Variants in GCNT2 observed in about 807,000 individuals in gnomAD.
GCNT2 encodes glucosaminyl (N-acetyl) transferase 2 (I blood group).
In GCNT2, 34 loss-of-function variants were observed where a neutral mutation model predicts 34.2. The ratio of observed to expected loss-of-function variants is 1.00; its 90% CI spans 0.76 to 1.32. The LOEUF is 1.32. Ranked by LOEUF, GCNT2 falls within the 40% of genes most tolerant of loss-of-function variation. GCNT2 has a pLI of 0.00. For missense variants in GCNT2, 584 were observed against 489.4 expected, an observed-to-expected ratio of 1.19 and a Z score of -1.82; for synonymous variants, 212 against 188.0, an observed-to-expected ratio of 1.13 and a Z score of -1.04.
intron 3 of GCNT2, among the ~76,000 whole-genome samples, chr6:10,578,822 T>G (rs1467486535): frequency 6.7e-6 from 1 of 150,368 alleles, no homozygotes; most frequent in African/African-American, 2.5e-5. Flanking sequence ...TAGATCCATT[T>G]TGTTGTTGTT....
At chr6:10,556,943 G>T (rs746019094) in intron 3 of GCNT2, 2 of 1,614,140 alleles carry the variant, frequency 1.2e-6, no homozygotes, top group South Asian at 2.2e-5. Context: ...CTGCATCAGA[G>T]ATCTTTCTGC....
intron 3 of GCNT2, among the ~76,000 whole-genome samples, chr6:10,606,407 A>G (rs570208672): frequency 6.6e-6 from 1 of 152,330 alleles, no homozygotes; most frequent in Admixed American, 6.5e-5. Context: ...CTCTTAATGG[A>G]AAAGCTGCAA....
chr6:10,544,246 G>A (rs1003936724), intron 3 of GCNT2, among the ~76,000 whole-genome samples: 9 of 151,708 alleles, frequency 5.9e-5, no homozygotes, highest in South Asian at 2.1e-4. Flanking sequence ...CCCAGGAGGC[G>A]GAGGTTGCAG....
chr6:10,563,674 G>A (rs924548038), intron 3 of GCNT2, among the ~76,000 whole-genome samples: 4 of 149,774 alleles, frequency 2.7e-5, no homozygotes, highest in South Asian at 4.2e-4. Flanking sequence ...CCCAGGAGGC[G>A]GAGCTTGCAG....
chr6:10,575,552 T>C (rs921824649), intron 3 of GCNT2, among the ~76,000 whole-genome samples: 1 of 152,036 alleles, frequency 6.6e-6, no homozygotes, highest in Non-Finnish European at 1.5e-5. Context: ...TTAGTGGAGA[T>C]GGGTGTCAGG....
intron 3 of GCNT2, among the ~76,000 whole-genome samples, chr6:10,612,437 C>T (rs1373842563): frequency 6.6e-6 from 1 of 152,122 alleles, no homozygotes; most frequent in Admixed American, 6.5e-5. Flanking sequence ...AGACTGGGAA[C>T]ACTGCTAAAC....
intron 3 of GCNT2, chr6:10,585,803 T>C: frequency 1.4e-6 from 2 of 1,443,918 alleles, no homozygotes; most frequent in Non-Finnish European, 1.8e-6. Context: ...TCCAGGCACA[T>C]CCAAAAAGGA....
chr6:10,569,196 A>G (rs1763415495), intron 3 of GCNT2, among the ~76,000 whole-genome samples: 1 of 118,128 alleles, frequency 8.5e-6, no homozygotes, highest in Non-Finnish European at 1.8e-5. Context: ...ACTTCAAATC[A>G]TTACCACTTG....
intron 3 of GCNT2, among the ~76,000 whole-genome samples, chr6:10,537,214 C>A (rs1264356870): frequency 6.6e-6 from 1 of 152,190 alleles, no homozygotes; most frequent in African/African-American, 2.4e-5. Flanking sequence ...TGCAAGTGAT[C>A]TTATCTTTGC....
chr6:10,536,446 C>G (rs1027230591), intron 3 of GCNT2, among the ~76,000 whole-genome samples: 1 of 151,856 alleles, frequency 6.6e-6, no homozygotes, highest in African/African-American at 2.4e-5. Flanking sequence ...AGTTCTCCTC[C>G]CGGGTTCACG....
At chr6:10,580,897 A>G (rs1164809588) in intron 3 of GCNT2, among the ~76,000 whole-genome samples, 1 of 152,224 alleles carries the variant, frequency 6.6e-6, no homozygotes, top group African/African-American at 2.4e-5. Context: ...GTTGTTAGCC[A>G]TAGTCCTTGT....
intron 3 of GCNT2, among the ~76,000 whole-genome samples, chr6:10,584,455 A>G (rs1013186817): frequency 6.6e-6 from 1 of 152,032 alleles, no homozygotes; most frequent in Non-Finnish European, 1.5e-5. Flanking sequence ...TCTTATCTCA[A>G]CCGCATTGAG....
intron 3 of GCNT2, among the ~76,000 whole-genome samples, chr6:10,592,021 C>T (rs1325748480): frequency 6.6e-6 from 1 of 152,212 alleles, no homozygotes; most frequent in African/African-American, 2.4e-5. Context: ...AGGATTCATT[C>T]ACTCATGCTG....
chr6:10,543,987 G>A (rs1357728980), intron 3 of GCNT2, among the ~76,000 whole-genome samples: 1 of 152,144 alleles, frequency 6.6e-6, no homozygotes, highest in Non-Finnish European at 1.5e-5. Context: ...CCTAAATCCT[G>A]TGACCAAGAA....
At chr6:10,533,557 G>A (rs1761599493) in intron 3 of GCNT2, among the ~76,000 whole-genome samples, 1 of 151,840 alleles carries the variant, frequency 6.6e-6, no homozygotes, top group African/African-American at 2.4e-5. Flanking sequence ...GGGAGCCGAG[G>A]TGGGCGGATC....
At chr6:10,545,071 A>G (rs1209170676) in intron 3 of GCNT2, among the ~76,000 whole-genome samples, 3 of 152,146 alleles carry the variant, frequency 2.0e-5, no homozygotes, top group Admixed American at 2.0e-4. Context: ...CTTTTCTGCG[A>G]TTTTATGTAA....
At chr6:10,536,818 C>T (rs1042331612) in intron 3 of GCNT2, among the ~76,000 whole-genome samples, 1 of 151,782 alleles carries the variant, frequency 6.6e-6, no homozygotes, top group South Asian at 2.1e-4. Context: ...ATTCTCCTGC[C>T]TCAGCCTCCC....
In GCNT2 at chr6:10,628,108, G is replaced by A. The variant is rs1766345089; in HGVS notation, c.*1501G>A. Reference sequence around the variant, plus strand: ...TCTTCTCAGTTCATTTCCTGAGGTGGATTTACTGAGAGAAGGTGAAATAAA... The same window carrying A: ...TCTTCTCAGTTCATTTCCTGAGGTGAATTTACTGAGAGAAGGTGAAATAAA... On this transcript the variant is annotated 3_prime_UTR_variant, in exon 5 of 5. Coordinates refer to ENST00000495262, the MANE Select transcript of GCNT2 (RefSeq NM_145649.5). The A allele has an allele frequency of 6.6e-6, 1 of 152,534 alleles. No homozygotes were observed. Among genetic ancestry groups the A allele is most frequent in the Non-Finnish European group, 1.5e-5 (1 of 68,018 alleles). 9.4% of individuals were successfully genotyped at this position (152,534 alleles called of 1,614,324 possible).
chr6:10,599,403 T>G lies in GCNT2; in HGVS notation c.926-21948T>G, dbSNP rs150659169. ...GTCTACCTCAGTAAAATATGTGGTG[T>G]TGTTTCCACCAGAATGAGGGAGCAC... On this transcript the variant is annotated intron_variant, in intron 3 of 4. Transcript: ENST00000495262. 7.5e-4 allele frequency among the ~76,000 whole-genome samples: 115 copies of G among 152,340 alleles called. 1 individual carries two copies. The highest frequency in any genetic ancestry group is 1.0e-3 in the Non-Finnish European group (69 of 68,032).
Sources: gnomAD v4.1 joint callset for allele counts (sites outside exome capture counted in the v4.1 genomes callset) on GRCh38, gnomAD v4.1.1 for gene constraint, MANE v1.5 for transcripts, NCBI Gene and HGNC (gene_info 2026-07-23, HGNC 2026-07-21) for gene names.